Variants in SNTG1 observed in about 807,000 individuals in gnomAD.
SNTG1 encodes gamma-1-syntrophin.
A neutral mutation model predicts 74.7 loss-of-function variants in SNTG1; 39 were observed. The observed-to-expected ratio is 0.52, with a 90% CI of 0.40 to 0.68. The LOEUF (loss-of-function observed/expected upper bound fraction) is 0.68. Among genes scored for constraint, SNTG1 ranks in the 30% least tolerant of loss-of-function variants. SNTG1 has a pLI of 0.00. For synonymous variants in SNTG1, 254 were observed against 217.1 expected (o/e 1.17, Z -1.49); for missense variants, 685 against 609.5 (o/e 1.12, Z -1.30).
At chr8:50,695,649 A>G (rs935347447) in intron 15 of SNTG1, among the ~76,000 whole-genome samples, 53 of 151,800 alleles carry the variant, frequency 3.5e-4, no homozygotes, top group African/African-American at 1.2e-3. Flanking sequence ...GAAGTCTTCA[A>G]TGTCTATTAT....
intron 1 of SNTG1, among the ~76,000 whole-genome samples, chr8:49,991,769 C>G (rs529243576): frequency 1.3e-5 from 2 of 152,052 alleles, no homozygotes; most frequent in Non-Finnish European, 2.9e-5. Flanking sequence ...TCCATAGAGA[C>G]AGAAAATAGG....
intron 1 of SNTG1, among the ~76,000 whole-genome samples, chr8:49,919,534 TG>T (rs1359916915): frequency 1.3e-5 from 2 of 152,212 alleles, no homozygotes; most frequent in East Asian, 3.9e-4. Flanking sequence ...CTCATTGGCT[TG>T]TTGTTTCTCT....
chr8:50,485,480 G>A (rs996626255), intron 8 of SNTG1, among the ~76,000 whole-genome samples: 1 of 152,078 alleles, frequency 6.6e-6, no homozygotes, highest in African/African-American at 2.4e-5. Flanking sequence ...TTTGAGAAGT[G>A]TCTGTTCATG....
chr8:50,513,355 C>T (rs934529539), intron 9 of SNTG1, among the ~76,000 whole-genome samples: 8 of 152,170 alleles, frequency 5.3e-5, no homozygotes, highest in African/African-American at 7.2e-5. Flanking sequence ...TTAGGCTACT[C>T]GGAGGACAGG....
intron 4 of SNTG1, among the ~76,000 whole-genome samples, chr8:50,404,170 A>G (rs982646320): frequency 1.3e-5 from 2 of 152,182 alleles, no homozygotes; most frequent in African/African-American, 4.8e-5. Context: ...TGAAAATGCA[A>G]TCCACAATAA....
chr8:50,032,969 C>A (rs187099326), intron 1 of SNTG1, among the ~76,000 whole-genome samples: 6 of 151,926 alleles, frequency 3.9e-5, no homozygotes, highest in Non-Finnish European at 8.8e-5. Flanking sequence ...CTCAAAATTT[C>A]CTACATAGAC....
intron 13 of SNTG1, among the ~76,000 whole-genome samples, chr8:50,652,663 G>A (rs935299990): frequency 6.6e-6 from 1 of 152,038 alleles, no homozygotes; most frequent in Non-Finnish European, 1.5e-5. Flanking sequence ...CGGGGTTGGT[G>A]GTGGGCACCT....
intron 2 of SNTG1, among the ~76,000 whole-genome samples, chr8:50,183,199 T>G (rs2083268736): frequency 6.6e-6 from 1 of 152,226 alleles, no homozygotes; most frequent in Admixed American, 6.5e-5. Context: ...TGGTCACTCC[T>G]GCTCATTTAC....
chr8:50,751,241 T>G (rs1159851096), intron 17 of SNTG1, among the ~76,000 whole-genome samples: 1 of 152,046 alleles, frequency 6.6e-6, no homozygotes, highest in Non-Finnish European at 1.5e-5. Flanking sequence ...TTTAATGATT[T>G]ATATCTTTGG....
intron 2 of SNTG1, among the ~76,000 whole-genome samples, chr8:50,250,724 C>T (rs2086610426): frequency 6.6e-6 from 1 of 152,006 alleles, no homozygotes; most frequent in South Asian, 2.1e-4. Context: ...TAAAAAATTT[C>T]TCACAGCCAA....
chr8:50,727,401 C>A (rs977742970), intron 17 of SNTG1, among the ~76,000 whole-genome samples: 11 of 152,112 alleles, frequency 7.2e-5, no homozygotes, highest in African/African-American at 2.7e-4. Context: ...GAGCTTTCAA[C>A]AGATGATATT....
rs2095639469 is a variant in SNTG1, at chr8:50,775,917, G to T, written c.1396-16754G>T. On this transcript the variant is annotated intron_variant, in intron 18 of 18. Coordinates refer to ENST00000642720, the MANE Select transcript of SNTG1 (RefSeq NM_018967.5). ...TACTTTGAAGTTTAGCTCATCTAATGCTAATATAGCCACTAGTCACTTTTC... is the reference window on the plus strand; with the variant it reads ...TACTTTGAAGTTTAGCTCATCTAATTCTAATATAGCCACTAGTCACTTTTC... Among the ~76,000 whole-genome samples the T allele has an allele frequency of 2.0e-5, 3 of 150,012 alleles. No individual in the cohort carries two copies. In the South Asian group the frequency reaches 6.3e-4, roughly 32 times the overall value.
At chr8:50,323,105 TG>T (rs150101166) in intron 2 of SNTG1, among the ~76,000 whole-genome samples, 67,195 of 141,814 alleles carry the variant, frequency 0.47, 17,418 homozygotes, top group East Asian at 0.82. Context: ...AAGACTTGTC[TG>T]GAAAAAAAAA....
At chr8:50,494,918 T>A (rs908370807) in intron 8 of SNTG1, among the ~76,000 whole-genome samples, 10 of 152,094 alleles carry the variant, frequency 6.6e-5, no homozygotes, top group Non-Finnish European at 1.3e-4. Context: ...TATATTGAAA[T>A]TCAGTGATTT....
intron 15 of SNTG1, among the ~76,000 whole-genome samples, chr8:50,685,493 T>C (rs2095348671): frequency 2.0e-5 from 3 of 152,186 alleles, no homozygotes; most frequent in African/African-American, 7.2e-5. Context: ...AAAAACATAT[T>C]TTACCTGTAA....
intron 8 of SNTG1, among the ~76,000 whole-genome samples, chr8:50,500,379 T>C (rs572660280): frequency 6.6e-6 from 1 of 152,180 alleles, no homozygotes; most frequent in African/African-American, 2.4e-5. Context: ...AAAATATTTG[T>C]ATAATATCTA....
intron 8 of SNTG1, among the ~76,000 whole-genome samples, chr8:50,478,644 G>A (rs751533035): frequency 2.5e-4 from 38 of 152,218 alleles, no homozygotes; most frequent in Admixed American, 1.3e-4. Flanking sequence ...GTAAAGTAGT[G>A]CATGTGTGTG....
At chr8:50,339,439 A>G (rs947437743) in intron 2 of SNTG1, among the ~76,000 whole-genome samples, 36 of 152,002 alleles carry the variant, frequency 2.4e-4, no homozygotes, top group Admixed American at 2.1e-3. Context: ...AATAATAACA[A>G]TGGTCTATAT....
At chr8:50,179,577 C>A (rs2083126014) in intron 2 of SNTG1, among the ~76,000 whole-genome samples, 1 of 151,968 alleles carries the variant, frequency 6.6e-6, no homozygotes, top group Admixed American at 6.6e-5. Flanking sequence ...AAGCAGTTCC[C>A]ACAACTTGAA....
Sources: gnomAD v4.1 joint callset for allele counts (sites outside exome capture counted in the v4.1 genomes callset) on GRCh38, gnomAD v4.1.1 for gene constraint, MANE v1.5 for transcripts, NCBI Gene and HGNC (gene_info 2026-07-23, HGNC 2026-07-21) for gene names.